The following GPC5 variants were observed in gnomAD, a reference collection of about 807,000 sequenced individuals.
GPC5 encodes the protein glypican 5, also known as glypican-5.
Under a neutral mutation model 53.9 loss-of-function variants are expected in GPC5, and 47 were observed. The observed-to-expected ratio is 0.87, with a 90% CI of 0.69 to 1.11. The LOEUF is 1.11. Ranked by LOEUF, GPC5 falls within the 50% of genes most tolerant of loss-of-function variation. GPC5 has a pLI of 0.00. For synonymous variants in GPC5, 286 were observed against 263.3 expected (o/e 1.09, Z -0.84); for missense variants, 748 against 713.1 (o/e 1.05, Z -0.56).
chr13:92,233,790 A>T (rs1001329588), intron 7 of GPC5, among the ~76,000 whole-genome samples: 9 of 151,924 alleles, frequency 5.9e-5, no homozygotes, highest in African/African-American at 2.2e-4. Context: ...GTATATCTCC[A>T]AATGCTATCC....
intron 7 of GPC5, among the ~76,000 whole-genome samples, chr13:92,727,529 A>C (rs1333376164): frequency 6.6e-6 from 1 of 151,352 alleles, no homozygotes; most frequent in African/African-American, 2.4e-5. Flanking sequence ...TCCACCTTTA[A>C]CTTCCTATTA....
chr13:91,723,768 A>T (rs1450584807), intron 3 of GPC5, among the ~76,000 whole-genome samples: 1 of 152,160 alleles, frequency 6.6e-6, no homozygotes, highest in African/African-American at 2.4e-5. Flanking sequence ...ACTATAGCAG[A>T]TCTTTCTAAA....
chr13:92,227,957 G>T (rs969604130), intron 7 of GPC5, among the ~76,000 whole-genome samples: 8 of 151,942 alleles, frequency 5.3e-5, no homozygotes. Context: ...ATTATGTATT[G>T]TATACTTCCA....
At chr13:92,866,091 A>G (rs548478518) in intron 7 of GPC5, among the ~76,000 whole-genome samples, 191 bp from the exon 8 acceptor site, 1 of 152,320 alleles carries the variant, frequency 6.6e-6, no homozygotes, top group South Asian at 2.1e-4. Context: ...GAATTTTCAC[A>G]CAAGAGCTTG....
At chr13:92,676,732 A>C (rs913749911) in intron 7 of GPC5, among the ~76,000 whole-genome samples, 12 of 152,182 alleles carry the variant, frequency 7.9e-5, no homozygotes, top group African/African-American at 2.9e-4. Flanking sequence ...TCATATAATC[A>C]GTTAGAAAGA....
At chr13:92,425,886 TA>T (rs1293358677) in intron 7 of GPC5, among the ~76,000 whole-genome samples, 1 of 152,134 alleles carries the variant, frequency 6.6e-6, no homozygotes, top group African/African-American at 2.4e-5. Context: ...TTAGGCAAAC[TA>T]TTCTATGCCT....
intron 7 of GPC5, among the ~76,000 whole-genome samples, chr13:92,483,405 G>A (rs1304290393): frequency 6.6e-6 from 1 of 152,154 alleles, no homozygotes; most frequent in Non-Finnish European, 1.5e-5. Flanking sequence ...AAGTATTTGT[G>A]TCTCTAAACA....
intron 2 of GPC5, among the ~76,000 whole-genome samples, chr13:91,539,433 C>T (rs1233439489): frequency 6.6e-6 from 1 of 152,080 alleles, no homozygotes; most frequent in Non-Finnish European, 1.5e-5. Flanking sequence ...GGTTTCTTTC[C>T]CAGGCAGGCT....
At chr13:91,685,204 C>T (rs893725971) in intron 2 of GPC5, among the ~76,000 whole-genome samples, 1 of 152,082 alleles carries the variant, frequency 6.6e-6, no homozygotes, top group African/African-American at 2.4e-5. Context: ...ACTTGGGAGG[C>T]TGAAGTGGGG....
rs918358707 is a variant in GPC5, at chr13:92,556,039, A to G, written c.1562-310243A>G. ...TCAGTAACTTTATTTGATTTTATTC[A>G]TGAGTAGATATTTTTATACTCCCCT... On this transcript the variant is annotated intron_variant, in intron 7 of 7. Transcript: ENST00000377067. Among the ~76,000 whole-genome samples, 39 of 151,714 alleles carry G rather than the reference A, an allele frequency of 2.6e-4. No individual in the cohort carries two copies. The Admixed American group carries it at 2.6e-3, about 10-fold the overall frequency.
intron 6 of GPC5, among the ~76,000 whole-genome samples, chr13:92,004,352 G>A (rs2040584087): frequency 6.7e-6 from 1 of 150,100 alleles, no homozygotes; most frequent in African/African-American, 2.5e-5. Flanking sequence ...GGCTGAGGCA[G>A]GAGAATCACT....
intron 7 of GPC5, among the ~76,000 whole-genome samples, chr13:92,491,718 G>A (rs1380855211): frequency 6.6e-6 from 1 of 152,080 alleles, no homozygotes; most frequent in Non-Finnish European, 1.5e-5. Flanking sequence ...TCTTCTACCT[G>A]AATATTACTC....
intron 7 of GPC5, among the ~76,000 whole-genome samples, chr13:92,816,216 A>G (rs1346342992): frequency 1.3e-5 from 2 of 152,072 alleles, no homozygotes; most frequent in African/African-American, 2.4e-5. Flanking sequence ...TTACTTCATT[A>G]TGGCATAGCC....
intron 5 of GPC5, among the ~76,000 whole-genome samples, chr13:91,792,743 G>GT (rs2037987013): frequency 6.6e-6 from 1 of 152,168 alleles, no homozygotes; most frequent in Admixed American, 6.6e-5. Context: ...ATGGGCATGA[G>GT]TTTTTCTGCA....
chr13:91,922,889 C>G (rs1340962938), intron 6 of GPC5, among the ~76,000 whole-genome samples: 2 of 132 alleles, frequency 0.015, no homozygotes, highest in Non-Finnish European at 0.029. Flanking sequence ...GATCTTACTC[C>G]TAAATGCTCT....
intron 6 of GPC5, among the ~76,000 whole-genome samples, chr13:92,077,762 A>T (rs1036974910): frequency 6.6e-6 from 1 of 152,168 alleles, no homozygotes; most frequent in African/African-American, 2.4e-5. Flanking sequence ...TCCTAAATTG[A>T]GGAGAAACTG....
intron 2 of GPC5, among the ~76,000 whole-genome samples, chr13:91,469,359 T>C (rs958570140): frequency 6.6e-6 from 1 of 152,288 alleles, no homozygotes; most frequent in East Asian, 1.9e-4. Flanking sequence ...TCCACATGCT[T>C]TGGCCTTCCA....
At chr13:92,234,985 A>C (rs1280083813) in intron 7 of GPC5, among the ~76,000 whole-genome samples, 3 of 152,176 alleles carry the variant, frequency 2.0e-5, no homozygotes, top group Non-Finnish European at 4.4e-5. Flanking sequence ...GAAAATCAAG[A>C]AGCAAAGGCA....
At chr13:91,521,027 A>G (rs578166030) in intron 2 of GPC5, among the ~76,000 whole-genome samples, 2 of 152,126 alleles carry the variant, frequency 1.3e-5, no homozygotes, top group Middle Eastern at 3.4e-3. Flanking sequence ...TAACTCTTTT[A>G]TTGATATTCT....
Sources: allele counts gnomAD v4.1 joint callset (sites outside exome capture counted in the v4.1 genomes callset), GRCh38; gene constraint gnomAD v4.1.1; transcripts MANE v1.5; gene names NCBI Gene and HGNC (gene_info 2026-07-23, HGNC 2026-07-21).